FANK1: variants seen among roughly 807,000 people sequenced by gnomAD.
FANK1 encodes fibronectin type 3 and ankyrin repeat domains protein 1.
FANK1 carries 44 observed loss-of-function variants against 45.3 expected under a neutral mutation model. The observed-to-expected ratio is 0.97, with a 90% confidence interval of 0.76 to 1.25. The LOEUF is 1.25. FANK1 is among the 50% of genes most tolerant of loss of function. The pLI, the probability that FANK1 is intolerant of heterozygous loss-of-function variation, is 0.00. For missense variants in FANK1, 391 were observed against 424.4 expected, an observed-to-expected ratio of 0.92 and a Z score of 0.69; for synonymous variants, 149 against 152.5, an observed-to-expected ratio of 0.98 and a Z score of 0.17.
chr10:125,979,939 G>T, intron 1 of FANK1: 2 of 636,018 alleles, frequency 3.1e-6, no homozygotes, highest in East Asian at 3.0e-5. Flanking sequence ...GATGGGCATG[G>T]TACAATATAT....
chr10:125,927,042 C>T (rs112106169), intron 1 of FANK1, among the ~76,000 whole-genome samples: 1 of 152,158 alleles, frequency 6.6e-6, no homozygotes, highest in Non-Finnish European at 1.5e-5. Context: ...GAGGCAGGGT[C>T]ATCTGCCTGC....
At chr10:125,947,484 C>A (rs917920684) in intron 1 of FANK1, among the ~76,000 whole-genome samples, 1 of 150,486 alleles carries the variant, frequency 6.6e-6, no homozygotes, top group African/African-American at 2.5e-5. Context: ...ATAAAACAGA[C>A]TTCAAACCAA....
At chr10:125,898,444 G>T (rs911045484) in intron 1 of FANK1, among the ~76,000 whole-genome samples, 2 of 152,110 alleles carry the variant, frequency 1.3e-5, no homozygotes, top group Non-Finnish European at 2.9e-5. Context: ...GGGGGAAGAG[G>T]AGATGGACAA....
intron 7 of FANK1, 94 bp from the exon 8 acceptor site, chr10:126,008,313 G>C (rs576682795): frequency 1.4e-6 from 2 of 1,439,752 alleles, no homozygotes; most frequent in Non-Finnish European, 1.8e-6. Context: ...ATCTAAGTCC[G>C]GGTGTTGGGG....
rs979506657 is a variant in FANK1, at chr10:125,976,734, T to C, written c.14-3427T>C. ...GCCTCCCAGGTTCAAGCGATTCTCCTACCTCAGCCTCCTGAGTAGCTGGGA... is the reference window on the plus strand; with the variant it reads ...GCCTCCCAGGTTCAAGCGATTCTCCCACCTCAGCCTCCTGAGTAGCTGGGA... On this transcript the variant is annotated intron_variant, in intron 1 of 10. Transcript: ENST00000368693. 2.0e-5 allele frequency among the ~76,000 whole-genome samples: 3 copies of C among 152,136 alleles called. No homozygotes were observed. In the East Asian group the frequency reaches 5.8e-4, roughly 29 times the overall value.
chr10:125,929,307 GAA>G (rs1309608642), intron 1 of FANK1, among the ~76,000 whole-genome samples: 1 of 152,164 alleles, frequency 6.6e-6, no homozygotes, highest in African/African-American at 2.4e-5. Context: ...CAGAATAGGT[GAA>G]AAGTCTGTCT....
At chr10:125,943,252 A>AT (rs1026809293) in intron 1 of FANK1, among the ~76,000 whole-genome samples, 13 of 150,478 alleles carry the variant, frequency 8.6e-5, no homozygotes, top group Non-Finnish European at 1.6e-4. Context: ...GACATTTTTC[A>AT]TTTTTTTTTC....
At chr10:125,956,918 A>G (rs10901478) in intron 1 of FANK1, among the ~76,000 whole-genome samples, 49,629 of 152,090 alleles carry the variant, frequency 0.33, 8,414 homozygotes, top group East Asian at 0.46. Context: ...GCGCGATCTC[A>G]GCTCACTGCA....
In FANK1 at chr10:125,989,549, T is replaced by C. The variant is rs995887790; in HGVS notation, c.316+874T>C. ...CTCAGCTTTTGAGTTAACTCAGCTT[T>C]TGAGCTGTGGTACCTTCAGTTGCAG... On this transcript the variant is annotated intron_variant, in intron 3 of 10. Coordinates refer to ENST00000368693, the MANE Select transcript of FANK1 (RefSeq NM_145235.5). 8.7e-5 allele frequency: 63 copies of C among 727,898 alleles called. No homozygotes were observed. In the African/African-American group the frequency reaches 1.1e-3, roughly 12 times the overall value. 45.1% of individuals were successfully genotyped at this position (727,898 alleles called of 1,614,324 possible). A position where few individuals can be genotyped will look rare whatever the true frequency, so the allele number is the denominator to read the frequency against.
At chr10:125,932,508 C>A (rs1947817914) in intron 1 of FANK1, among the ~76,000 whole-genome samples, 1 of 152,062 alleles carries the variant, frequency 6.6e-6, no homozygotes, top group African/African-American at 2.4e-5. Context: ...CCCTTGGTCG[C>A]TGTTGGTGTA....
intron 1 of FANK1, among the ~76,000 whole-genome samples, chr10:125,909,159 C>G (rs1945784608): frequency 6.6e-6 from 1 of 152,172 alleles, no homozygotes; most frequent in African/African-American, 2.4e-5. Flanking sequence ...TACTTTCACC[C>G]AGGGTGAGCA....
intron 1 of FANK1, among the ~76,000 whole-genome samples, chr10:125,920,325 C>CATT (rs1305667946): frequency 2.6e-5 from 4 of 152,136 alleles, no homozygotes; most frequent in African/African-American, 9.7e-5. Context: ...GATTATAATA[C>CATT]ATTAGCTCTT....
intron 1 of FANK1, among the ~76,000 whole-genome samples, chr10:125,931,107 A>G (rs1947724896): frequency 6.6e-6 from 1 of 152,200 alleles, no homozygotes; most frequent in Admixed American, 6.5e-5. Context: ...TTATTTGTCT[A>G]CTTGTTGATT....
At chr10:125,932,010 A>C (rs2134142713) in intron 1 of FANK1, among the ~76,000 whole-genome samples, 1 of 152,148 alleles carries the variant, frequency 6.6e-6, no homozygotes, top group South Asian at 2.1e-4. Flanking sequence ...GTTGGTTATA[A>C]GTGTTTGGGC....
At chr10:125,995,001 A>C in intron 3 of FANK1, 21 of 955,854 alleles carry the variant, frequency 2.2e-5, no homozygotes, top group Non-Finnish European at 2.6e-5. Flanking sequence ...TTTTAATTTC[A>C]AATGTTAAAG....
chr10:125,911,596 A>G (rs1946015377), intron 1 of FANK1, among the ~76,000 whole-genome samples: 1 of 152,254 alleles, frequency 6.6e-6, no homozygotes. Context: ...TAGTTTTGAT[A>G]ATTGTTAAAT....
chr10:125,903,111 T>C (rs1280861472), intron 1 of FANK1, among the ~76,000 whole-genome samples: 21 of 151,392 alleles, frequency 1.4e-4, no homozygotes, highest in African/African-American at 5.2e-4. Context: ...AAGCTCAGGT[T>C]CACCAAACAT....
chr10:125,944,264 G>A (rs1948630925), intron 1 of FANK1, among the ~76,000 whole-genome samples: 1 of 152,054 alleles, frequency 6.6e-6, no homozygotes, highest in South Asian at 2.1e-4. Flanking sequence ...ACTTTATTTT[G>A]TACATATTTT....
chr10:125,904,327 T>A (rs1589772761), intron 1 of FANK1, among the ~76,000 whole-genome samples: 3 of 152,256 alleles, frequency 2.0e-5, no homozygotes, highest in East Asian at 3.8e-4. Flanking sequence ...ATTTATGAAA[T>A]AAATAGAATC....
Sources: gnomAD v4.1 joint callset for allele counts (sites outside exome capture counted in the v4.1 genomes callset) on GRCh38, gnomAD v4.1.1 for gene constraint, MANE v1.5 for transcripts, NCBI Gene and HGNC (gene_info 2026-07-23, HGNC 2026-07-21) for gene names.